Variants in RNF6 observed in about 807,000 individuals in gnomAD.
RNF6 encodes E3 ubiquitin-protein ligase RNF6.
In RNF6, 21 loss-of-function variants were observed where a neutral mutation model predicts 50.1. The ratio of observed to expected loss-of-function variants is 0.42; its 90% CI spans 0.30 to 0.60. The LOEUF (loss-of-function observed/expected upper bound fraction) is 0.60. Ranked by LOEUF, RNF6 falls within the 20% of genes least tolerant of loss-of-function variation. The pLI, the probability that RNF6 is intolerant of heterozygous loss-of-function variation, is 0.20. For missense variants in RNF6, 698 were observed against 838.2 expected (o/e 0.83, Z 2.07); for synonymous variants, 255 against 291.8 (o/e 0.87, Z 1.29).
At chr13:26,216,439 A>G (rs1566442020) in intron 4 of RNF6, among the ~76,000 whole-genome samples, 1 of 152,144 alleles carries the variant, frequency 6.6e-6, no homozygotes, top group Non-Finnish European at 1.5e-5. Context: ...TCCAGCCTCT[A>G]CAGCAGTATC....
intron 5 of RNF6, among the ~76,000 whole-genome samples, chr13:26,179,181 TG>T (rs58319032): frequency 0.021 from 3,242 of 152,302 alleles, 113 homozygotes; most frequent in African/African-American, 0.072. Context: ...TTCTTGACTC[TG>T]GCAGGGGCTC....
At chr13:26,221,906 C>A in intron 1 of RNF6, 97 bp downstream of exon 1, 1 of 152,572 alleles carries the variant, frequency 6.6e-6, no homozygotes. Flanking sequence ...AGGCAGTTAA[C>A]CAATCGGAGA....
At chr13:26,138,480 T>C (rs9581549) in intron 5 of RNF6, among the ~76,000 whole-genome samples, 3,052 of 152,256 alleles carry the variant, frequency 0.02, 114 homozygotes, top group African/African-American at 0.069. Flanking sequence ...TTTTTTTCTT[T>C]GTAACTCCTT....
Position 26,214,447 on chromosome 13 carries a change from C to G in RNF6, c.1435G>C (p.Ala479Pro), listed in dbSNP as rs1869611602. The G allele has an allele frequency of 1.2e-6, 2 of 1,614,008 alleles. No individual in the cohort carries two copies. Among genetic ancestry groups the G allele is most frequent in the Non-Finnish European group, 1.7e-6 (2 of 1,180,042 alleles). ...ATCTGCCTTAAAATTGACCGAAGAG[C>G]CACTGATGATGGCTCAACAAGCTCA... is the stretch of plus-strand genomic sequence containing the variant. The part of the protein sequence containing the change: ...ENELVEPSSV[A>P]LRSILRQIMT... Residue 479 changes from alanine (A) to proline (P), a missense_variant, in exon 5 of 5, where the codon GCT (alanine) becomes CCT (proline). Coordinates refer to ENST00000381588, the MANE Select transcript of RNF6 (RefSeq NM_005977.4).
intron 5 of RNF6, among the ~76,000 whole-genome samples, chr13:26,170,610 C>G (rs1872656923): frequency 6.6e-6 from 1 of 152,158 alleles, no homozygotes; most frequent in Admixed American, 6.5e-5. Flanking sequence ...AGTCAGCTGA[C>G]CTCTTGCTCC....
intron 5 of RNF6, among the ~76,000 whole-genome samples, chr13:26,179,734 C>G (rs1265758380): frequency 6.6e-6 from 1 of 152,166 alleles, no homozygotes; most frequent in Non-Finnish European, 1.5e-5. Context: ...CAGCGACCTC[C>G]TTGGATCCAG....
chr13:26,173,949 CAA>C (rs10674426), intron 5 of RNF6, among the ~76,000 whole-genome samples: 4 of 117,934 alleles, frequency 3.4e-5, no homozygotes, highest in Non-Finnish European at 1.7e-5. Context: ...GACTCCGTCT[CAA>C]AAAAAAAAAA....
intron 5 of RNF6, chr13:26,149,186 T>C (rs934005283): frequency 6.6e-6 from 1 of 152,200 alleles, no homozygotes; most frequent in African/African-American, 2.4e-5. Context: ...TTTTTAACTA[T>C]TTTGTCTGCC....
At chr13:26,138,086 A>G (rs1870742993) in intron 5 of RNF6, among the ~76,000 whole-genome samples, 1 of 152,222 alleles carries the variant, frequency 6.6e-6, no homozygotes, top group African/African-American at 2.4e-5. Flanking sequence ...GGCAAAGCCA[A>G]GAGAATCTTG....
rs1869576562 is a variant in RNF6, at chr13:26,214,243, T to C, written c.1639A>G (p.Thr547Ala). The C allele has an allele frequency of 1.2e-6, 2 of 1,614,110 alleles. No individual in the cohort carries two copies. The highest frequency in any genetic ancestry group is 2.2e-5 in the South Asian group (2 of 91,092). ...SQDRQAQGDS[T>A]EMHGENETTQ... ...GTCTCGTTTTCACCATGCATTTCAGTGCTGTCTCCTTGGGCCTGCCTGTCT... is the reference window on the plus strand; with the variant it reads ...GTCTCGTTTTCACCATGCATTTCAGCGCTGTCTCCTTGGGCCTGCCTGTCT... Residue 547 changes from threonine to alanine, a missense_variant, in exon 5 of 5, where the codon ACT becomes GCT. Coordinates refer to ENST00000381588, the MANE Select transcript of RNF6 (RefSeq NM_005977.4).
chr13:26,159,299 T>C (rs1872088819), intron 5 of RNF6, among the ~76,000 whole-genome samples: 2 of 152,174 alleles, frequency 1.3e-5, no homozygotes, highest in African/African-American at 2.4e-5. Context: ...GTTATAGGAT[T>C]ATTTGGTATA....
At chr13:26,187,400 C>G (rs1049089346) in intron 5 of RNF6, among the ~76,000 whole-genome samples, 1 of 152,168 alleles carries the variant, frequency 6.6e-6, no homozygotes, top group Non-Finnish European at 1.5e-5. Context: ...GAATGTCAGC[C>G]CGTGAGCTCT....
intron 5 of RNF6, among the ~76,000 whole-genome samples, chr13:26,143,175 C>T (rs971879499): frequency 6.6e-6 from 1 of 152,136 alleles, no homozygotes; most frequent in African/African-American, 2.4e-5. Context: ...GGATCTGGGA[C>T]ATTATTAATT....
At chr13:26,156,081 A>C (rs1008231902) in intron 5 of RNF6, among the ~76,000 whole-genome samples, 1 of 152,232 alleles carries the variant, frequency 6.6e-6, no homozygotes, top group Non-Finnish European at 1.5e-5. Context: ...AAAACATAGA[A>C]TGGATCAAAA....
At chr13:26,188,141 T>C (rs569316068) in intron 5 of RNF6, among the ~76,000 whole-genome samples, 47 of 152,296 alleles carry the variant, frequency 3.1e-4, no homozygotes, top group Non-Finnish European at 5.0e-4. Flanking sequence ...CACAACTGTC[T>C]TGTGGCTCAT....
downstream of RNF6, among the ~76,000 whole-genome samples, chr13:26,208,957 A>C (rs1869212145): frequency 6.6e-6 from 1 of 152,316 alleles, no homozygotes; most frequent in South Asian, 2.1e-4. Context: ...CAAAATGCTA[A>C]AAAAGAACAA....
intron 5 of RNF6, among the ~76,000 whole-genome samples, chr13:26,195,751 T>C (rs148380368): frequency 2.7e-4 from 41 of 152,270 alleles, no homozygotes; most frequent in African/African-American, 9.6e-4. Flanking sequence ...CTAACCCCTA[T>C]ATCATCATGG....
At position 26,214,502 on chromosome 13, in the gene RNF6, T is replaced by A; in HGVS notation, c.1380A>T (p.Ile460=). The A allele has an allele frequency of 2.5e-6, 4 of 1,614,220 alleles. No individual in the cohort carries two copies. Among genetic ancestry groups the A allele is most frequent in the Non-Finnish European group, 3.4e-6 (4 of 1,180,052 alleles). The part of the protein sequence containing the change: ...RSGIRTYVST[I]TVPLRRISEN... ...CAGAAATCCTACGAAGAGGAACTGT[T>A]ATGGTACTAACATAGGTTCGAATAC... The change falls in exon 5 of 5, where the codon ATA becomes ATT. Residue 460 remains isoleucine (I), a synonymous_variant. Coordinates refer to ENST00000381588, the MANE Select transcript of RNF6 (RefSeq NM_005977.4).
intron 5 of RNF6, among the ~76,000 whole-genome samples, chr13:26,204,305 G>A (rs908489222): frequency 6.6e-6 from 1 of 151,860 alleles, no homozygotes. Context: ...AGACCAGACT[G>A]ACCAACATGG....
Sources: gnomAD v4.1 joint callset for allele counts (sites outside exome capture counted in the v4.1 genomes callset) on GRCh38, gnomAD v4.1.1 for gene constraint, MANE v1.5 for transcripts, NCBI Gene and HGNC (gene_info 2026-07-23, HGNC 2026-07-21) for gene names.